Variants in WSCD2 observed in about 807,000 individuals in gnomAD.
The protein encoded by WSCD2 is WSC domain sialate O sulfotransferase 2, also known as sialate:O-sulfotransferase 2.
Under a neutral mutation model 55.7 loss-of-function variants are expected in WSCD2, and 28 were observed. The ratio of observed to expected loss-of-function variants is 0.50; its 90% CI spans 0.37 to 0.69. WSCD2 has a LOEUF of 0.69. WSCD2 is among the 30% of genes least tolerant of loss of function. The pLI is 0.00. For missense variants in WSCD2, 616 were observed against 762.1 expected (o/e 0.81, Z 2.26); for synonymous variants, 301 against 301.9 (o/e 1.00, Z 0.03).
At chr12:108,218,564 G>A (rs1179974299) in intron 4 of WSCD2, among the ~76,000 whole-genome samples, 3 of 152,216 alleles carry the variant, frequency 2.0e-5, no homozygotes, top group South Asian at 2.1e-4. Context: ...AGGGCACAGC[G>A]CTTGGCCAAG....
intron 2 of WSCD2, among the ~76,000 whole-genome samples, chr12:108,199,659 G>A (rs1884406838): frequency 6.6e-6 from 1 of 152,240 alleles, no homozygotes. Context: ...GCCAGGTGCT[G>A]TTCAAAGCAT....
chr12:108,169,468 G>C (rs1420330913), intron 1 of WSCD2, among the ~76,000 whole-genome samples: 1 of 152,074 alleles, frequency 6.6e-6, no homozygotes, highest in African/African-American at 2.4e-5. Flanking sequence ...CTGTCCATGG[G>C]CCTTGACAGA....
intron 1 of WSCD2, among the ~76,000 whole-genome samples, chr12:108,170,445 AATGATG>A (rs61364167): frequency 6.6e-6 from 1 of 151,958 alleles, no homozygotes; most frequent in African/African-American, 2.4e-5. Context: ...TATTGACAAC[AATGATG>A]ATGATGATGA....
chr12:108,240,608 G>A, intron 8 of WSCD2, 64 bp downstream of exon 8: 1 of 1,457,494 alleles, frequency 6.9e-7, no homozygotes, highest in Non-Finnish European at 9.3e-7. Flanking sequence ...GCGGTGGGAG[G>A]GTCCCGTGCT....
intron 5 of WSCD2, 58 bp from the exon 6 acceptor site, chr12:108,226,932 T>G: frequency 6.4e-7 from 1 of 1,553,108 alleles, no homozygotes; most frequent in South Asian, 1.2e-5. Flanking sequence ...ATTTGGAGTC[T>G]GAAGCTGTCC....
chr12:108,146,471 T>C (rs1294916831), intron 1 of WSCD2, among the ~76,000 whole-genome samples: 4 of 152,200 alleles, frequency 2.6e-5, no homozygotes, highest in Admixed American at 6.5e-5. Context: ...ATGATAAGGA[T>C]GGAGGATTGA....
At chr12:108,136,176 G>C (rs534153369) in intron 1 of WSCD2, among the ~76,000 whole-genome samples, 26 of 152,312 alleles carry the variant, frequency 1.7e-4, no homozygotes, top group African/African-American at 4.8e-4. Context: ...AGAATTCTTA[G>C]ATGGAGAGAT....
intron 1 of WSCD2, among the ~76,000 whole-genome samples, chr12:108,141,135 C>G (rs768027059): frequency 1.3e-5 from 2 of 152,214 alleles, no homozygotes; most frequent in East Asian, 3.9e-4. Flanking sequence ...CTCACTGCAG[C>G]CTTGAATTCC....
chr12:108,238,900 G>A (rs930531760), intron 7 of WSCD2, among the ~76,000 whole-genome samples: 1 of 152,176 alleles, frequency 6.6e-6, no homozygotes, highest in Non-Finnish European at 1.5e-5. Flanking sequence ...TAACCTGGGC[G>A]AGTTATTGGA....
At chr12:108,145,976 A>G (rs1877341785) in intron 1 of WSCD2, among the ~76,000 whole-genome samples, 1 of 152,338 alleles carries the variant, frequency 6.6e-6, no homozygotes, top group East Asian at 1.9e-4. Context: ...CATAAAAACA[A>G]GGAAGAAATT....
Position 108,210,199 on chromosome 12 carries a change from G to C in WSCD2, c.576G>C (p.Glu192Asp). Residue 192 changes from glutamate (E) to aspartate (D), a missense_variant, in exon 4 of 9, where the codon GAG (glutamate) becomes GAC (aspartate). By Grantham distance (45) the Glu-to-Asp change is conservative (BLOSUM62 2). This residue lies in a region of WSCD2 where 374 missense variants were observed against 467.4 expected (regional missense o/e 0.80). Transcript: ENST00000547525. The surrounding 1 kb of genome is among the most constrained non-coding windows in gnomAD (Gnocchi z 4.3). ...AGATCCAGGCGACGAACGTGAGCGAGGCAGAGTGCGACATGGAGTGCAAGG... is the reference window on the plus strand; with the variant it reads ...AGATCCAGGCGACGAACGTGAGCGACGCAGAGTGCGACATGGAGTGCAAGG... ...GHKIQATNVS[E>D]AECDMECKGE... is the part of the protein sequence containing the mutation. 1 of 1,614,102 alleles carries C rather than the reference G, an allele frequency of 6.2e-7. No individual in the cohort carries two copies. The highest frequency in any genetic ancestry group is 8.5e-7 in the Non-Finnish European group (1 of 1,179,980).
At chr12:108,130,418 G>A (rs1356940452) in intron 1 of WSCD2, among the ~76,000 whole-genome samples, 1 of 152,074 alleles carries the variant, frequency 6.6e-6, no homozygotes. Flanking sequence ...AGCCAGAGCT[G>A]CCCAGGCAAT....
At position 108,248,820 on chromosome 12, in the gene WSCD2, GC is replaced by G; in HGVS notation, c.*478del. The stretch of plus-strand genomic sequence containing the variant: ...CCCTTCTCATCTCCACCCAAGAAGT[GC>G]TGGCACCGATGTTTAACTCAGGCCA... On this transcript the variant is annotated 3_prime_UTR_variant, in exon 9 of 9. Transcript: ENST00000547525. This position sits in a 1 kb window ranked among gnomAD's most constrained non-coding sequence, Gnocchi z 4.3. 1 of 990,526 alleles carries G rather than the reference GC, an allele frequency of 1.0e-6. No individual in the cohort carries two copies. Among genetic ancestry groups the G allele is most frequent in the Non-Finnish European group, 1.2e-6 (1 of 832,588 alleles). 61.4% of individuals were successfully genotyped at this position (990,526 alleles called of 1,614,324 possible).
chr12:108,144,999 A>G (rs763389595), intron 1 of WSCD2, among the ~76,000 whole-genome samples: 2 of 152,154 alleles, frequency 1.3e-5, no homozygotes, highest in African/African-American at 4.8e-5. Flanking sequence ...ACCGGTTTAC[A>G]TTTGCACTGG....
Position 108,203,947 on chromosome 12 carries a change from A to G in WSCD2, c.383-2342A>G, listed in dbSNP as rs76516744. On this transcript the variant is annotated intron_variant, in intron 2 of 8. Transcript: ENST00000547525. ...CTACAAGCTGTAGGAACTTGGGCAGATGACATAGGTTCCCATTGCATTTTG... is the reference window on the plus strand; with the variant it reads ...CTACAAGCTGTAGGAACTTGGGCAGGTGACATAGGTTCCCATTGCATTTTG... Among the ~76,000 whole-genome samples the G allele has an allele frequency of 4.3e-3, 661 of 152,360 alleles. 1 individual carries two copies. Among genetic ancestry groups the G allele is most frequent in the Non-Finnish European group, 7.4e-3 (501 of 68,032 alleles).
In WSCD2 at chr12:108,224,831, G is replaced by A; in HGVS notation, c.775G>A (p.Asp259Asn). 1 of 1,613,696 alleles carries A rather than the reference G, an allele frequency of 6.2e-7. No individual in the cohort carries two copies. Among genetic ancestry groups the A allele is most frequent in the Non-Finnish European group, 8.5e-7 (1 of 1,180,042 alleles). The stretch of plus-strand genomic sequence containing the variant: ...AGCTGCCATGCTGAACATGTCTGTG[G>A]ACAAATGCGTGGACTTCTGCACTGA... ...VTAAMLNMSV[D>N]KCVDFCTEKE... Residue 259 changes from aspartate (D) to asparagine (N), a missense_variant, in exon 5 of 9, where the codon GAC becomes AAC. Physicochemically the swap from Asp to Asn is conservative, Grantham distance 23. This residue lies in a region of WSCD2 where 374 missense variants were observed against 467.4 expected (regional missense o/e 0.80). Coordinates refer to ENST00000547525, the MANE Select transcript of WSCD2 (RefSeq NM_014653.4).
intron 4 of WSCD2, among the ~76,000 whole-genome samples, chr12:108,215,860 C>T (rs1886773861): frequency 6.6e-6 from 1 of 152,212 alleles, no homozygotes; most frequent in Non-Finnish European, 1.5e-5. Context: ...TGGTTCCGGG[C>T]TGTTCTTCAT....
intron 1 of WSCD2, among the ~76,000 whole-genome samples, chr12:108,140,235 T>C (rs1423638430): frequency 6.6e-6 from 1 of 152,166 alleles, no homozygotes. Flanking sequence ...GTTTTAAAAC[T>C]GAGATACAAA....
chr12:108,223,845 C>G (rs1162239101), intron 4 of WSCD2, among the ~76,000 whole-genome samples: 1 of 152,166 alleles, frequency 6.6e-6, no homozygotes. Flanking sequence ...GCCCCCTTTC[C>G]TTAAGGTGGG....
Sources: gnomAD v4.1 joint callset for allele counts (sites outside exome capture counted in the v4.1 genomes callset) on GRCh38, gnomAD v4.1.1 for gene constraint, gnomAD v4.1.1 regional missense constraint, Gnocchi (gnomAD v3.1) non-coding constraint, MANE v1.5 for transcripts, NCBI Gene and HGNC (gene_info 2026-07-23, HGNC 2026-07-21) for gene names.